MECOM: variants seen among roughly 807,000 people sequenced by gnomAD.
MECOM encodes the protein histone-lysine N-methyltransferase MECOM.
In MECOM, 13 loss-of-function variants were observed where a neutral mutation model predicts 116.3. That is an observed-to-expected ratio of 0.11 (90% CI 0.07 to 0.18). The LOEUF (loss-of-function observed/expected upper bound fraction) is 0.18, where lower values mean the gene tolerates loss of function less well. MECOM is among the 10% of genes least tolerant of loss of function. The pLI, the probability that MECOM is intolerant of heterozygous loss-of-function variation, is 1.00. For missense variants in MECOM, 1,299 were observed against 1,509.0 expected (o/e 0.86, Z 2.31); for synonymous variants, 528 against 535.2 (o/e 0.99, Z 0.19).
chr3:169,274,142 C>T (rs188975980), intron 2 of MECOM, among the ~76,000 whole-genome samples: 1 of 151,940 alleles, frequency 6.6e-6, no homozygotes, highest in Non-Finnish European at 1.5e-5. Flanking sequence ...AAACTCCTGA[C>T]CTCAGGTGAT....
intron 2 of MECOM, among the ~76,000 whole-genome samples, chr3:169,183,819 C>CATAT (rs1231405866): frequency 2.2e-4 from 19 of 87,552 alleles, no homozygotes; most frequent in Admixed American, 3.9e-4. Context: ...CACACACACA[C>CATAT]ATATATATAT....
At chr3:169,645,296 T>C (rs200058066) in intron 1 of MECOM, among the ~76,000 whole-genome samples, 2,165 of 108,840 alleles carry the variant, frequency 0.02, 45 homozygotes, top group African/African-American at 0.094. Flanking sequence ...AGTAGACAGA[T>C]GTATTTTTTT....
chr3:169,620,907 G>A (rs1165172838), intron 1 of MECOM, among the ~76,000 whole-genome samples: 5 of 152,154 alleles, frequency 3.3e-5, no homozygotes, highest in Non-Finnish European at 7.3e-5. Context: ...AAATGAAAAC[G>A]TAGCATGAGA....
chr3:169,456,310 G>C (rs959364658), intron 1 of MECOM, among the ~76,000 whole-genome samples: 1 of 152,156 alleles, frequency 6.6e-6, no homozygotes, highest in African/African-American at 2.4e-5. Context: ...GAGATGGGGG[G>C]ATTTCAGTGA....
chr3:169,598,901 G>A (rs1356790750), intron 1 of MECOM, among the ~76,000 whole-genome samples: 1 of 152,106 alleles, frequency 6.6e-6, no homozygotes, highest in African/African-American at 2.4e-5. Context: ...AGAGAAGAGA[G>A]AAACTTTGGA....
intron 2 of MECOM, among the ~76,000 whole-genome samples, chr3:169,251,138 G>C (rs1411263601): frequency 6.6e-6 from 1 of 152,200 alleles, no homozygotes. Flanking sequence ...CTTAAGAAAA[G>C]AGTATCAAGA....
In MECOM at chr3:169,131,384, T is replaced by C. The variant is rs7647619; in HGVS notation, c.613+45A>G. ...GGATGCTTTCGATGCTACTTTATAGTCGCGATGATAAGGTGATAAGGAGGG... is the reference window on the plus strand; with the variant it reads ...GGATGCTTTCGATGCTACTTTATAGCCGCGATGATAAGGTGATAAGGAGGG... On this transcript the variant is annotated intron_variant, in intron 4 of 16. Transcript: ENST00000651503. 5.6e-3 allele frequency: 8,313 copies of C among 1,474,632 alleles called. 407 individuals are homozygous for C. The African/African-American group carries it at 0.1, about 18-fold the overall frequency. 91.3% of individuals were successfully genotyped at this position (1,474,632 alleles called of 1,614,324 possible).
intron 2 of MECOM, among the ~76,000 whole-genome samples, chr3:169,351,773 A>G (rs1443488535): frequency 6.6e-6 from 1 of 151,828 alleles, no homozygotes; most frequent in African/African-American, 2.4e-5. Context: ...TCTTGTCCTA[A>G]TAAGGTCACT....
At chr3:169,610,765 C>A (rs1769165182) in intron 1 of MECOM, among the ~76,000 whole-genome samples, 1 of 152,168 alleles carries the variant, frequency 6.6e-6, no homozygotes, top group South Asian at 2.1e-4. Context: ...ACAGTTATTT[C>A]AGTTCTCACT....
At chr3:169,221,942 A>G (rs1752190317) in intron 2 of MECOM, among the ~76,000 whole-genome samples, 1 of 151,988 alleles carries the variant, frequency 6.6e-6, no homozygotes, top group Non-Finnish European at 1.5e-5. Context: ...TACCTGAAGG[A>G]AATGCTTTTT....
intron 2 of MECOM, among the ~76,000 whole-genome samples, chr3:169,371,006 T>C (rs1326450336): frequency 6.6e-6 from 1 of 152,024 alleles, no homozygotes; most frequent in Non-Finnish European, 1.5e-5. Context: ...GCAATCACAC[T>C]TCTGTGTATA....
chr3:169,599,339 C>T (rs985793892), intron 1 of MECOM, among the ~76,000 whole-genome samples: 1 of 151,958 alleles, frequency 6.6e-6, no homozygotes, highest in East Asian at 1.9e-4. Context: ...CATGGTGAAA[C>T]CCCATCTCTA....
chr3:169,292,992 G>A (rs1354291340), intron 2 of MECOM, among the ~76,000 whole-genome samples: 1 of 152,116 alleles, frequency 6.6e-6, no homozygotes, highest in East Asian at 1.9e-4. Flanking sequence ...GACCACCTAA[G>A]CTCAGTGAGA....
chr3:169,637,063 C>G (rs1005937326), intron 1 of MECOM, among the ~76,000 whole-genome samples: 1 of 152,172 alleles, frequency 6.6e-6, no homozygotes, highest in African/African-American at 2.4e-5. Flanking sequence ...CAGCATGACT[C>G]CAATGTTAGG....
rs1721089654 is a variant in MECOM, at chr3:169,095,242, G to A, written c.2853C>T (p.Cys951=). 3 of 1,603,240 alleles carry A rather than the reference G, an allele frequency of 1.9e-6. No individual in the cohort carries two copies. The highest frequency in any genetic ancestry group is 2.6e-6 in the Non-Finnish European group (3 of 1,175,642). The change falls in exon 13 of 17, where the codon TGC becomes TGT. Residue 951 remains cysteine, a synonymous_variant. Coordinates refer to ENST00000651503, the MANE Select transcript of MECOM (RefSeq NM_004991.4). ...TGCTAAATGATCTGTCACAGTATTT[G>A]CATCTGAAAAATAAACAAAGAGAAA... ...RTHTGEQPYR[C]KYCDRSFSIS... is the part of the protein sequence containing the mutation.
intron 1 of MECOM, among the ~76,000 whole-genome samples, chr3:169,536,446 G>A (rs751740634): frequency 4.1e-5 from 6 of 146,042 alleles, no homozygotes; most frequent in Non-Finnish European, 5.9e-5. Flanking sequence ...CTTTCTGGAC[G>A]TTAATTCAGC....
intron 2 of MECOM, among the ~76,000 whole-genome samples, chr3:169,264,229 T>G (rs531500811): frequency 4.1e-4 from 63 of 152,094 alleles, no homozygotes; most frequent in Non-Finnish European, 7.8e-4. Context: ...TTCCATAAAT[T>G]GGTGGTGGTG....
intron 5 of MECOM, among the ~76,000 whole-genome samples, chr3:169,123,481 T>G (rs1305749759): frequency 6.6e-6 from 1 of 152,054 alleles, no homozygotes; most frequent in Non-Finnish European, 1.5e-5. Context: ...AAAGTTTAAA[T>G]TGTTTTATCT....
chr3:169,228,553 A>G (rs1327560483), intron 2 of MECOM, among the ~76,000 whole-genome samples: 1 of 152,224 alleles, frequency 6.6e-6, no homozygotes, highest in Admixed American at 6.5e-5. Flanking sequence ...TAAAAATAAA[A>G]ACAGGATAAA....
Sources: gnomAD v4.1 joint callset for allele counts (sites outside exome capture counted in the v4.1 genomes callset) on GRCh38, gnomAD v4.1.1 for gene constraint, MANE v1.5 for transcripts, NCBI Gene and HGNC (gene_info 2026-07-23, HGNC 2026-07-21) for gene names.